The following PCDHGA9 variants were observed in gnomAD, a reference collection of about 807,000 sequenced individuals.
PCDHGA9 encodes the protein protocadherin gamma subfamily A, 9.
Under a neutral mutation model 62.5 loss-of-function variants are expected in PCDHGA9, and 37 were observed. That is an observed-to-expected ratio of 0.59 (90% CI 0.46 to 0.78). The LOEUF is 0.78. Among genes scored for constraint, PCDHGA9 ranks in the 30% least tolerant of loss-of-function variants. PCDHGA9 has a pLI of 0.00. For synonymous variants in PCDHGA9, 459 were observed against 484.6 expected, an observed-to-expected ratio of 0.95 and a Z score of 0.69; for missense variants, 1,138 against 1,166.2, an observed-to-expected ratio of 0.98 and a Z score of 0.35.
intron 1 of PCDHGA9, among the ~76,000 whole-genome samples, chr5:141,460,317 A>G (rs1045494740): frequency 4.6e-5 from 7 of 152,260 alleles, no homozygotes; most frequent in African/African-American, 1.7e-4. Flanking sequence ...CTCCTTGCCT[A>G]CTGAAAACTT....
intron 1 of PCDHGA9, chr5:141,440,369 G>A (rs2098171994): frequency 6.6e-6 from 1 of 152,156 alleles, no homozygotes; most frequent in African/African-American, 2.4e-5. Context: ...GGGGGGCCGA[G>A]GCAGGAGAAT....
rs753872678 is a variant in PCDHGA9, at chr5:141,431,407, C to G, written c.2424+26031C>G. 4 of 1,613,716 alleles carry G rather than the reference C, an allele frequency of 2.5e-6. No individual in the cohort carries two copies. Among genetic ancestry groups the G allele is most frequent in the Non-Finnish European group, 3.4e-6 (4 of 1,180,048 alleles). The stretch of plus-strand genomic sequence containing the variant: ...ACCACCTGGTCCTTACGGCCTCCGA[C>G]GGGGGCGACCCGGTGCGCACAGGCA... On this transcript the variant is annotated intron_variant, in intron 1 of 3. Coordinates refer to ENST00000573521, the MANE Select transcript of PCDHGA9 (RefSeq NM_018921.3). This position sits in a 1 kb window ranked among gnomAD's most constrained non-coding sequence, Gnocchi z 4.8.
Position 141,404,952 on chromosome 5 carries a change from G to T in PCDHGA9, c.2000G>T (p.Ser667Ile). The T allele has an allele frequency of 6.2e-7, 1 of 1,614,030 alleles. No homozygotes were observed. The highest frequency in any genetic ancestry group is 8.5e-7 in the Non-Finnish European group (1 of 1,179,894). Residue 667 changes from serine to isoleucine, a missense_variant, in exon 1 of 4, where the codon AGC becomes ATC. Physicochemically the swap from Ser to Ile is moderately radical, Grantham distance 142. Transcript: ENST00000573521. ...ACGCTCACAGTAGCCATAGCTGACA[G>T]CATCCCAGACATCCTGGCTGACCTG... ...TVTLTVAIAD[S>I]IPDILADLGS...
intron 1 of PCDHGA9, among the ~76,000 whole-genome samples, chr5:141,469,821 G>A (rs2099212107): frequency 6.6e-6 from 1 of 152,028 alleles, no homozygotes; most frequent in Admixed American, 6.6e-5. Flanking sequence ...TAGAATGGAG[G>A]TCACATAAAA....
intron 1 of PCDHGA9, among the ~76,000 whole-genome samples, chr5:141,480,400 G>A (rs1364147575): frequency 6.8e-6 from 1 of 146,550 alleles, no homozygotes; most frequent in Non-Finnish European, 1.5e-5. Context: ...TGGCAATAGA[G>A]TGAGACCCTG....
In PCDHGA9 at chr5:141,409,552, A is replaced by C. The variant is rs777125488; in HGVS notation, c.2424+4176A>C. On this transcript the variant is annotated intron_variant, in intron 1 of 3. Transcript: ENST00000573521. ...TCGCTGACATCAACGACAACGCCCC[A>C]GTTTTCGACCAGACGTCCTACGTGG... 9 of 1,613,844 alleles carry C rather than the reference A, an allele frequency of 5.6e-6. No homozygotes were observed. The East Asian group carries it at 1.1e-4, about 20-fold the overall frequency.
At chr5:141,494,171 G>A (rs72790068) in intron 1 of PCDHGA9, among the ~76,000 whole-genome samples, 9,520 of 152,240 alleles carry the variant, frequency 0.063, 348 homozygotes, top group South Asian at 0.11. Flanking sequence ...TTCTAGGGGT[G>A]AGAAGTGTCC....
At position 141,432,252 on chromosome 5, in the gene PCDHGA9, G is replaced by A. The variant is rs749107567; in HGVS notation, c.2424+26876G>A. 3.7e-6 allele frequency: 6 copies of A among 1,614,220 alleles called. No homozygotes were observed. The highest frequency in any genetic ancestry group is 5.1e-6 in the Non-Finnish European group (6 of 1,180,042). ...TCCCTGGCTGAGAACACCATCCAAG[G>A]GGCAAGCCTATCGTCCTACGTGTCC... On this transcript the variant is annotated intron_variant, in intron 1 of 3. Coordinates refer to ENST00000573521, the MANE Select transcript of PCDHGA9 (RefSeq NM_018921.3). The surrounding 1 kb of genome is among the most constrained non-coding windows in gnomAD (Gnocchi z 6.0).
At position 141,505,417 on chromosome 5, in the gene PCDHGA9, C is replaced by T; in HGVS notation, c.2508C>T (p.Gly836=). The change falls in exon 3 of 4, where the codon GGC becomes GGT. Residue 836 remains glycine, a synonymous_variant. Coordinates refer to ENST00000573521, the MANE Select transcript of PCDHGA9 (RefSeq NM_018921.3). ...TSGSQNGDDT[G]TWPNNQFDTE... is the part of the protein sequence containing the mutation. ...GCTCCCAAAATGGCGATGACACCGG[C>T]ACCTGGCCCAACAACCAGTTTGACA... 1 of 1,614,212 alleles carries T rather than the reference C, an allele frequency of 6.2e-7. No individual in the cohort carries two copies. Among genetic ancestry groups the T allele is most frequent in the Non-Finnish European group, 8.5e-7 (1 of 1,180,024 alleles).
At chr5:141,463,796 G>T (rs139760353) in intron 1 of PCDHGA9, among the ~76,000 whole-genome samples, 3 of 152,114 alleles carry the variant, frequency 2.0e-5, no homozygotes, top group Non-Finnish European at 2.9e-5. Flanking sequence ...TTGAACAAAT[G>T]TCTAAAAGCT....
Position 141,489,802 on chromosome 5 carries a change from G to A in PCDHGA9, c.2425-5005G>A, listed in dbSNP as rs2099692541. On this transcript the variant is annotated intron_variant, in intron 1 of 3. Transcript: ENST00000573521. The surrounding 1 kb of genome is among the most constrained non-coding windows in gnomAD (Gnocchi z 4.5). ...TCTGAATGTGAAGACCCTAAAAGAT[G>A]GGAAGCCATTCCCAGAGCTGGTGCT... is the stretch of plus-strand genomic sequence containing the variant. 6.2e-7 allele frequency: 1 copy of A among 1,614,042 alleles called. No homozygotes were observed. The highest frequency in any genetic ancestry group is 1.1e-5 in the South Asian group (1 of 91,088).
At chr5:141,433,070 CCCCAG>C in intron 1 of PCDHGA9, 1 of 1,614,174 alleles carries the variant, frequency 6.2e-7, no homozygotes, top group Non-Finnish European at 8.5e-7. Context: ...CCTGATCTTC[CCCCAG>C]CCCAACTATG....
At position 141,447,667 on chromosome 5, in the gene PCDHGA9, G is replaced by A. The variant is rs115529144; in HGVS notation, c.2424+42291G>A. 2.4e-3 allele frequency among the ~76,000 whole-genome samples: 372 copies of A among 152,278 alleles called. 2 individuals are homozygous for A. Among genetic ancestry groups the A allele is most frequent in the African/African-American group, 8.6e-3 (358 of 41,546 alleles). The stretch of plus-strand genomic sequence containing the variant: ...TAGAATTTTCCCCCCCAGGAAGTTA[G>A]AACTGTTCCATATCTTGATAGAGGG... On this transcript the variant is annotated intron_variant, in intron 1 of 3. Transcript: ENST00000573521.
At chr5:141,414,753 T>G (rs10041534) in intron 1 of PCDHGA9, 22 of 1,614,088 alleles carry the variant, frequency 1.4e-5, no homozygotes, top group Non-Finnish European at 1.8e-5. Context: ...CCTTCGACTA[T>G]GAGCAGTTTC....
At chr5:141,430,911 A>T (rs544678317) in intron 1 of PCDHGA9, 4 of 1,607,840 alleles carry the variant, frequency 2.5e-6, no homozygotes, top group Non-Finnish European at 3.4e-6. Context: ...ATCTCCAGGG[A>T]CCTGGGGCTG....
chr5:141,487,067 G>C lies in PCDHGA9; in HGVS notation c.2425-7740G>C, dbSNP rs765539804. 3 of 1,614,048 alleles carry C rather than the reference G, an allele frequency of 1.9e-6. No individual in the cohort carries two copies. The highest frequency in any genetic ancestry group is 3.3e-5 in the Admixed American group (2 of 60,010). ...ATATGCTGGGGAGGTGCGGACGGCT[G>C]TTCCTATCCCAGCTGACCTCCCACC... On this transcript the variant is annotated intron_variant, in intron 1 of 3. Coordinates refer to ENST00000573521, the MANE Select transcript of PCDHGA9 (RefSeq NM_018921.3). The surrounding 1 kb of genome is among the most constrained non-coding windows in gnomAD (Gnocchi z 5.0).
At chr5:141,428,122 G>T in intron 1 of PCDHGA9, 1 of 1,606,172 alleles carries the variant, frequency 6.2e-7, no homozygotes, top group Non-Finnish European at 8.5e-7. Flanking sequence ...ATCGAGCCCG[G>T]GCTTTTCAGC....
intron 1 of PCDHGA9, among the ~76,000 whole-genome samples, chr5:141,437,076 A>G (rs1018228245): frequency 6.6e-6 from 1 of 152,236 alleles, no homozygotes; most frequent in African/African-American, 2.4e-5. Flanking sequence ...TTTGGGCCAT[A>G]TAAGAATTGA....
At chr5:141,406,044 G>A (rs1473314165) in intron 1 of PCDHGA9, among the ~76,000 whole-genome samples, 1 of 151,228 alleles carries the variant, frequency 6.6e-6, no homozygotes, top group Non-Finnish European at 1.5e-5. Flanking sequence ...ATTGGTTGCA[G>A]TGGACTCATA....
Sources: gnomAD v4.1 joint callset for allele counts (sites outside exome capture counted in the v4.1 genomes callset) on GRCh38, gnomAD v4.1.1 for gene constraint, Gnocchi (gnomAD v3.1) non-coding constraint, MANE v1.5 for transcripts, NCBI Gene and HGNC (gene_info 2026-07-23, HGNC 2026-07-21) for gene names.